The following CDC42BPB variants were observed in gnomAD, a reference collection of about 807,000 sequenced individuals.
CDC42BPB encodes CDC42 binding protein kinase beta, also known as serine/threonine-protein kinase MRCK beta.
Under a neutral mutation model 214.9 loss-of-function variants are expected in CDC42BPB, and 37 were observed. The ratio of observed to expected loss-of-function variants is 0.17; its 90% CI spans 0.13 to 0.23. The LOEUF is 0.23. Among genes scored for constraint, CDC42BPB ranks in the 10% least tolerant of loss-of-function variants. CDC42BPB has a pLI of 1.00. For missense variants in CDC42BPB, 1,694 were observed against 2,227.0 expected, an observed-to-expected ratio of 0.76 and a Z score of 4.82; for synonymous variants, 931 against 884.0, an observed-to-expected ratio of 1.05 and a Z score of -0.94.
rs1346076730 is a variant in CDC42BPB at position 103,001,458 on chromosome 14, G to A, written c.448-1745C>T. Among the ~76,000 whole-genome samples the A allele has an allele frequency of 6.6e-6, 1 of 152,200 alleles. No individual in the cohort carries two copies. The highest frequency in any genetic ancestry group is 2.4e-5 in the African/African-American group (1 of 41,442). ...CAAGCAGAGGCCTGAGGGGAGCCGC[G>A]GTCGTGCTCCAGATGAAGGGGTGCG... On this transcript the variant is annotated intron_variant, in intron 4 of 36. Coordinates refer to ENST00000361246, the MANE Select transcript of CDC42BPB (RefSeq NM_006035.4). The surrounding 1 kb of genome is among the most constrained non-coding windows in gnomAD (Gnocchi z 5.8).
intron 12 of CDC42BPB, 149 bp from the exon 13 acceptor site, chr14:102,972,310 G>T: frequency 6.8e-7 from 1 of 1,479,958 alleles, no homozygotes; most frequent in Non-Finnish European, 8.9e-7. Context: ...CTTGGAAAAA[G>T]ACCTGTGCTC....
chr14:103,012,259 G>T, intron 1 of CDC42BPB, 71 bp from the exon 2 acceptor site: 1 of 1,494,746 alleles, frequency 6.7e-7, no homozygotes, highest in Non-Finnish European at 9.1e-7. Context: ...TAATTGAGTG[G>T]GGTGTTGCAC....
At chr14:102,941,650 T>A (rs1004266699) in intron 30 of CDC42BPB, 1 of 658,798 alleles carries the variant, frequency 1.5e-6, no homozygotes, top group Non-Finnish European at 1.9e-6. Context: ...GCTGACTCAG[T>A]GATAAACAGA....
chr14:103,048,355 C>T (rs1487776739), intron 1 of CDC42BPB, among the ~76,000 whole-genome samples: 2 of 151,582 alleles, frequency 1.3e-5, no homozygotes, highest in African/African-American at 4.8e-5. Context: ...ATCAGCCTGG[C>T]CAACATGGTG....
chr14:103,056,864 A>C (rs1276237653), intron 1 of CDC42BPB, 135 bp downstream of exon 1: 1 of 521,906 alleles, frequency 1.9e-6, no homozygotes, highest in Non-Finnish European at 3.0e-6. Flanking sequence ...GAGCGAGAGG[A>C]GGCGAAGCCC....
rs772724447 is a variant in CDC42BPB at position 102,950,642 on chromosome 14, C to G, written c.3173-40G>C. ...GAACACTGCCTTCAAAGCTTGCTGC[C>G]TACAGAGAAGTCACTGCAGAACCTA... On this transcript the variant is annotated intron_variant, in intron 24 of 36. Transcript: ENST00000361246. The G allele has an allele frequency of 4.0e-6, 6 of 1,506,578 alleles. No homozygotes were observed. The East Asian group carries it at 1.2e-4, about 30-fold the overall frequency. The allele number at this position is 1,506,578 out of a possible 1,614,324, so 93.3% of individuals were successfully genotyped here.
At chr14:102,977,635 G>C (rs565389069) in intron 9 of CDC42BPB, among the ~76,000 whole-genome samples, 1 of 152,306 alleles carries the variant, frequency 6.6e-6, no homozygotes, top group South Asian at 2.1e-4. Flanking sequence ...ATGGAAGCCA[G>C]CTCTCAGCTG....
rs143227695 is a variant in CDC42BPB at position 102,982,306 on chromosome 14, C to T, written c.891+1250G>A. On this transcript the variant is annotated intron_variant, in intron 7 of 36. Coordinates refer to ENST00000361246, the MANE Select transcript of CDC42BPB (RefSeq NM_006035.4). ...TGGAGTTAAATGGAAAACCAGTTCC[C>T]GCTTCAGTGTTAATCTGCTCCCTGT... Among the ~76,000 whole-genome samples, 666 of 152,284 alleles carry T rather than the reference C, an allele frequency of 4.4e-3. 4 individuals are homozygous for T. The highest frequency in any genetic ancestry group is 6.8e-3 in the Middle Eastern group (2 of 292).
chr14:103,041,585 C>T, intron 1 of CDC42BPB: 3 of 1,032,060 alleles, frequency 2.9e-6, no homozygotes, highest in Non-Finnish European at 4.4e-6. Context: ...GCCGGGCAAG[C>T]TAAAGTGCCC....
At chr14:102,976,565 C>T (rs1019897780) in intron 9 of CDC42BPB, among the ~76,000 whole-genome samples, 2 of 152,230 alleles carry the variant, frequency 1.3e-5, no homozygotes, top group African/African-American at 4.8e-5. Flanking sequence ...CGCACACAGC[C>T]GAGGCACAGG....
At chr14:103,023,872 G>C (rs922391457) in intron 1 of CDC42BPB, among the ~76,000 whole-genome samples, 1 of 152,136 alleles carries the variant, frequency 6.6e-6, no homozygotes, top group African/African-American at 2.4e-5. Context: ...AATTTTCAAA[G>C]ACAAAAGGCA....
intron 21 of CDC42BPB, among the ~76,000 whole-genome samples, chr14:102,957,997 G>C (rs532537483): frequency 6.6e-6 from 1 of 152,366 alleles, no homozygotes; most frequent in East Asian, 1.9e-4. Flanking sequence ...TGGACATTCT[G>C]CAGGACAACT....
At chr14:102,983,127 T>C (rs1894078049) in intron 7 of CDC42BPB, among the ~76,000 whole-genome samples, 1 of 152,158 alleles carries the variant, frequency 6.6e-6, no homozygotes, top group African/African-American at 2.4e-5. Flanking sequence ...AGAATCAAAG[T>C]TGGCACCTAA....
chr14:102,945,160 G>A, intron 29 of CDC42BPB: 1 of 447,408 alleles, frequency 2.2e-6, no homozygotes, highest in Non-Finnish European at 4.5e-6. Context: ...TGTCGGGAAA[G>A]GACTATGGCT....
At chr14:102,940,346 G>C in intron 30 of CDC42BPB, 22 bp from the exon 31 acceptor site, 1 of 1,553,824 alleles carries the variant, frequency 6.4e-7, no homozygotes, top group Non-Finnish European at 8.7e-7. Flanking sequence ...GGAGCAGGGC[G>C]GGGTGAGCCA....
intron 1 of CDC42BPB, among the ~76,000 whole-genome samples, chr14:103,049,772 G>A (rs1888505198): frequency 6.6e-6 from 1 of 152,240 alleles, no homozygotes; most frequent in Non-Finnish European, 1.5e-5. Context: ...GGAGAGCAAT[G>A]GCACAATCTC....
intron 11 of CDC42BPB, chr14:102,974,397 C>A: frequency 1.0e-6 from 1 of 982,346 alleles, no homozygotes; most frequent in South Asian, 4.7e-5. Context: ...CAGCGATCTC[C>A]CCTGAGCACT....
Position 102,946,451 on chromosome 14 carries a change from C to T in CDC42BPB, c.3748+17G>A. On this transcript the variant is annotated intron_variant, in intron 28 of 36. Coordinates refer to ENST00000361246, the MANE Select transcript of CDC42BPB (RefSeq NM_006035.4). Reference sequence around the variant, plus strand: ...TGTTGCTTCAGACACCTGAAGGACACAACCTTTGGGACGTACCCACGATGG... The same window carrying T: ...TGTTGCTTCAGACACCTGAAGGACATAACCTTTGGGACGTACCCACGATGG... 6.2e-7 allele frequency: 1 copy of T among 1,612,198 alleles called. No homozygotes were observed. The highest frequency in any genetic ancestry group is 8.5e-7 in the Non-Finnish European group (1 of 1,179,862).
chr14:103,002,295 C>T (rs2139602664), intron 4 of CDC42BPB, among the ~76,000 whole-genome samples: 1 of 152,320 alleles, frequency 6.6e-6, no homozygotes, highest in East Asian at 1.9e-4. Context: ...AAGGCCTCGC[C>T]TTCGTTTTCT....
Sources: gnomAD v4.1 joint callset for allele counts (sites outside exome capture counted in the v4.1 genomes callset) on GRCh38, gnomAD v4.1.1 for gene constraint, Gnocchi (gnomAD v3.1) non-coding constraint, MANE v1.5 for transcripts, NCBI Gene and HGNC (gene_info 2026-07-23, HGNC 2026-07-21) for gene names.